ANO10: variants seen among roughly 807,000 people sequenced by gnomAD.
ANO10 encodes anoctamin 10.
In ANO10, 77 loss-of-function variants were observed where a neutral mutation model predicts 74.7. That is an observed-to-expected ratio of 1.03 (90% CI 0.86 to 1.25). ANO10 has a LOEUF of 1.25. Among genes scored for constraint, ANO10 ranks in the 50% most tolerant of loss-of-function variants. The pLI is 0.00. For synonymous variants in ANO10, 279 were observed against 284.9 expected (o/e 0.98, Z 0.21); for missense variants, 721 against 778.1 (o/e 0.93, Z 0.87).
intron 1 of ANO10, among the ~76,000 whole-genome samples, chr3:43,660,453 C>A (rs2083912995): frequency 6.6e-6 from 1 of 152,008 alleles, no homozygotes; most frequent in African/African-American, 2.4e-5. Flanking sequence ...GAAGCATACA[C>A]AAGCTTCAAT....
At chr3:43,448,849 T>TTTTC (rs1271519176) in intron 11 of ANO10, among the ~76,000 whole-genome samples, 226 of 149,044 alleles carry the variant, frequency 1.5e-3, no homozygotes, top group Admixed American at 4.5e-3. Context: ...TTATGGATTG[T>TTTTC]TTTCTTTCTT....
chr3:43,681,115 T>A (rs993241704), intron 1 of ANO10, among the ~76,000 whole-genome samples: 15 of 152,110 alleles, frequency 9.9e-5, no homozygotes, highest in African/African-American at 3.4e-4. Flanking sequence ...AATGCTCCAA[T>A]TAAAAGACAC....
chr3:43,549,530 A>G (rs2079357750), intron 11 of ANO10, among the ~76,000 whole-genome samples, 190 bp downstream of exon 11: 1 of 152,148 alleles, frequency 6.6e-6, no homozygotes, highest in African/African-American at 2.4e-5. Context: ...ACAGTTTTTC[A>G]TACTTGGGCA....
intron 4 of ANO10, among the ~76,000 whole-genome samples, chr3:43,596,210 G>A (rs982322344): frequency 3.3e-5 from 5 of 152,148 alleles, no homozygotes; most frequent in African/African-American, 1.2e-4. Flanking sequence ...TAGATTCAAT[G>A]CCATCCCCAT....
intron 12 of ANO10, among the ~76,000 whole-genome samples, chr3:43,406,607 C>T (rs1429379510): frequency 2.0e-5 from 3 of 152,176 alleles, no homozygotes; most frequent in Admixed American, 1.3e-4. Context: ...TCACATGCCA[C>T]CGATTCATGA....
chr3:43,642,628 C>A (rs1322606460), intron 1 of ANO10, among the ~76,000 whole-genome samples: 2 of 152,080 alleles, frequency 1.3e-5, no homozygotes, highest in Non-Finnish European at 2.9e-5. Context: ...GAAAAGGTAA[C>A]CAAACCCACA....
intron 4 of ANO10, among the ~76,000 whole-genome samples, chr3:43,591,671 A>T (rs2081765743): frequency 6.6e-6 from 1 of 152,216 alleles, no homozygotes; most frequent in African/African-American, 2.4e-5. Flanking sequence ...TCCCAGCATG[A>T]GCGGCACAGA....
At chr3:43,690,274 C>T (rs544601712) in intron 1 of ANO10, 45 of 152,390 alleles carry the variant, frequency 3.0e-4, no homozygotes, top group African/African-American at 9.6e-4. Flanking sequence ...AGGCTGGTCT[C>T]CAACTCCCGA....
chr3:43,434,372 A>G (rs2093036079), intron 11 of ANO10, among the ~76,000 whole-genome samples: 1 of 152,250 alleles, frequency 6.6e-6, no homozygotes, highest in African/African-American at 2.4e-5. Flanking sequence ...ATCTCCAAAG[A>G]ATACATGAAT....
At position 43,659,999 on chromosome 3, in the gene ANO10, A is replaced by AG. The variant is rs1333686677; in HGVS notation, c.-12+31517dup. Among the ~76,000 whole-genome samples the AG allele has an allele frequency of 2.6e-5, 4 of 152,318 alleles. No individual in the cohort carries two copies. In the East Asian group the frequency reaches 7.7e-4, roughly 29 times the overall value. On this transcript the variant is annotated intron_variant, in intron 1 of 3. Transcript: ENST00000413397. ...CAGGACTCCGACAGACCTGCGGCTG[A>AG]GGGGCCTGTCTGTTAGAAGGAAAAC...
At chr3:43,571,690 TG>T (rs988047212) in intron 7 of ANO10, among the ~76,000 whole-genome samples, 1 of 95,080 alleles carries the variant, frequency 1.1e-5, no homozygotes, top group African/African-American at 4.1e-5. Context: ...TGTTGTGGGG[TG>T]GGGGCAGGGG....
chr3:43,591,077 C>T (rs2081723320), intron 4 of ANO10, among the ~76,000 whole-genome samples: 1 of 152,212 alleles, frequency 6.6e-6, no homozygotes, highest in African/African-American at 2.4e-5. Context: ...CGGCAACCCC[C>T]TTTGGGTCCC....
At chr3:43,484,131 C>T (rs1411606369) in intron 11 of ANO10, among the ~76,000 whole-genome samples, 1 of 152,054 alleles carries the variant, frequency 6.6e-6, no homozygotes, top group Non-Finnish European at 1.5e-5. Context: ...TGGGGTTTCA[C>T]CATGTTGCCC....
At chr3:43,672,473 G>A (rs1284622315) in intron 1 of ANO10, among the ~76,000 whole-genome samples, 1 of 152,196 alleles carries the variant, frequency 6.6e-6, no homozygotes, top group East Asian at 1.9e-4. Flanking sequence ...CGAGGCTGCA[G>A]TGAGATGTAA....
At chr3:43,501,758 G>C (rs1482426535) in intron 11 of ANO10, among the ~76,000 whole-genome samples, 1 of 152,206 alleles carries the variant, frequency 6.6e-6, no homozygotes, top group Non-Finnish European at 1.5e-5. Flanking sequence ...AATCTGTCCA[G>C]GGATTGGTGG....
At chr3:43,602,065 G>A (rs2082358399) in intron 2 of ANO10, among the ~76,000 whole-genome samples, 2 of 152,248 alleles carry the variant, frequency 1.3e-5, no homozygotes, top group South Asian at 2.1e-4. Context: ...TAGTTTCTCC[G>A]AACTGGGCTG....
chr3:43,558,547 T>A (rs1040476170), intron 9 of ANO10, among the ~76,000 whole-genome samples: 2 of 152,236 alleles, frequency 1.3e-5, no homozygotes, highest in Non-Finnish European at 2.9e-5. Flanking sequence ...TTCTAAGTTT[T>A]CTACAGGGAG....
At chr3:43,540,804 C>T (rs1473325118) in intron 11 of ANO10, among the ~76,000 whole-genome samples, 3 of 152,184 alleles carry the variant, frequency 2.0e-5, no homozygotes, top group Non-Finnish European at 4.4e-5. Flanking sequence ...CCTCCTATTG[C>T]ACTGAAATGT....
chr3:43,441,356 C>A (rs892541309), intron 11 of ANO10, among the ~76,000 whole-genome samples: 3 of 151,756 alleles, frequency 2.0e-5, no homozygotes, highest in Non-Finnish European at 2.9e-5. Flanking sequence ...ACAATCGATG[C>A]CACAGAAATA....
Sources: allele counts gnomAD v4.1 joint callset (sites outside exome capture counted in the v4.1 genomes callset), GRCh38; gene constraint gnomAD v4.1.1; transcripts MANE v1.5; gene names NCBI Gene and HGNC (gene_info 2026-07-23, HGNC 2026-07-21).